Variants in PPFIA2 observed in about 807,000 individuals in gnomAD.
The protein encoded by PPFIA2 is liprin-alpha-2.
In PPFIA2, 46 loss-of-function variants were observed where a neutral mutation model predicts 175.5. That is an observed-to-expected ratio of 0.26 (90% CI 0.21 to 0.34). PPFIA2 has a LOEUF of 0.34. Among genes scored for constraint, PPFIA2 ranks in the 10% least tolerant of loss-of-function variants. The pLI is 1.00. For synonymous variants in PPFIA2, 568 were observed against 511.4 expected (o/e 1.11, Z -1.49); for missense variants, 1,179 against 1,506.1 (o/e 0.78, Z 3.60).
At chr12:81,386,411 G>A (rs999735560) in intron 8 of PPFIA2, among the ~76,000 whole-genome samples, 3 of 151,774 alleles carry the variant, frequency 2.0e-5, no homozygotes, top group Admixed American at 6.6e-5. Flanking sequence ...ATCACTTGAG[G>A]CCAGGAGTTT....
intron 4 of PPFIA2, among the ~76,000 whole-genome samples, chr12:81,584,888 A>T (rs1229426590): frequency 8.1e-6 from 1 of 123,694 alleles, no homozygotes; most frequent in African/African-American, 3.1e-5. Flanking sequence ...TTATATATTA[A>T]TTATATTTAT....
At chr12:81,626,844 A>C (rs1414456576) in intron 4 of PPFIA2, among the ~76,000 whole-genome samples, 4 of 152,028 alleles carry the variant, frequency 2.6e-5, no homozygotes, top group Non-Finnish European at 2.9e-5. Flanking sequence ...TTCTCTAGAC[A>C]CTTTTTCATC....
chr12:81,559,813 T>TTG lies in PPFIA2; in HGVS notation c.304-101948_304-101947insCA, dbSNP rs1555486014. On this transcript the variant is annotated intron_variant, in intron 4 of 32. Transcript: ENST00000549396. ...TACATGATGCTTAGTTGTTTTTTTT[T>TTG]TTGTTGTTGTTTTTTTGCAATCTTC... 4.3e-3 allele frequency among the ~76,000 whole-genome samples: 650 copies of TTG among 151,936 alleles called. 7 individuals carry two copies. The highest frequency in any genetic ancestry group is 6.8e-3 in the Middle Eastern group (2 of 294).
intron 4 of PPFIA2, among the ~76,000 whole-genome samples, chr12:81,619,996 G>A (rs989141474): frequency 6.6e-6 from 1 of 151,652 alleles, no homozygotes; most frequent in Non-Finnish European, 1.5e-5. Flanking sequence ...CGTCTCTACT[G>A]AAAATACAAA....
At chr12:81,620,108 C>T (rs1240500611) in intron 4 of PPFIA2, among the ~76,000 whole-genome samples, 2 of 131,260 alleles carry the variant, frequency 1.5e-5, no homozygotes, top group South Asian at 2.4e-4. Context: ...TGCAGTGAGC[C>T]GAGATCGCGC....
At chr12:81,277,769 T>C (rs1360023720) in intron 27 of PPFIA2, among the ~76,000 whole-genome samples, 2 of 152,168 alleles carry the variant, frequency 1.3e-5, no homozygotes, top group East Asian at 1.9e-4. Flanking sequence ...GTCCCCATTA[T>C]GGAGACAGTA....
intron 16 of PPFIA2, among the ~76,000 whole-genome samples, chr12:81,354,889 T>C (rs1791756903): frequency 6.6e-6 from 1 of 152,118 alleles, no homozygotes; most frequent in Non-Finnish European, 1.5e-5. Flanking sequence ...GGTGATCACC[T>C]GCCTCAGCCT....
At chr12:81,385,993 A>G (rs889266014) in intron 8 of PPFIA2, among the ~76,000 whole-genome samples, 3 of 151,952 alleles carry the variant, frequency 2.0e-5, no homozygotes, top group African/African-American at 7.3e-5. Context: ...AAAAAGTAAA[A>G]GGCCTGGTGT....
At chr12:81,722,528 T>C (rs2079492617) in intron 3 of PPFIA2, among the ~76,000 whole-genome samples, 1 of 151,080 alleles carries the variant, frequency 6.6e-6, no homozygotes, top group South Asian at 2.1e-4. Flanking sequence ...AATTTCTCCT[T>C]AATCAACAAA....
intron 4 of PPFIA2, among the ~76,000 whole-genome samples, chr12:81,533,719 C>A (rs867705475): frequency 2.2e-5 from 3 of 134,342 alleles, no homozygotes. Flanking sequence ...ATCTATCTAT[C>A]TATCTATCTA....
In PPFIA2 at chr12:81,456,743, A is replaced by AT. The variant is rs200813584; in HGVS notation, c.405+1021dup. Among the ~76,000 whole-genome samples the AT allele has an allele frequency of 2.1e-4, 32 of 151,866 alleles. No individual in the cohort carries two copies. The East Asian group carries it at 5.0e-3, about 24-fold the overall frequency. ...ATTTACATGTTTATAAAATTTAGTG[A>AT]TTTTTTTTCTCAAAGAAAATATAGC... is the stretch of plus-strand genomic sequence containing the variant. On this transcript the variant is annotated intron_variant, in intron 5 of 32. Transcript: ENST00000549396.
intron 27 of PPFIA2, among the ~76,000 whole-genome samples, chr12:81,278,521 CAGAGTGAG>C (rs772629271): frequency 1.7e-3 from 220 of 129,556 alleles, no homozygotes; most frequent in Non-Finnish European, 1.4e-3. Flanking sequence ...CCCTGGGCAA[CAGAGTGAG>C]ACTCCATCTC....
chr12:81,321,685 T>C lies in PPFIA2; in HGVS notation c.2642+4092A>G, dbSNP rs542317187. ...GCTTTACTGGAAATATGGCTGACAGTTTGATTTCTAATTGACTATTTTGTT... is the reference window on the plus strand; with the variant it reads ...GCTTTACTGGAAATATGGCTGACAGCTTGATTTCTAATTGACTATTTTGTT... On this transcript the variant is annotated intron_variant, in intron 22 of 32. Coordinates refer to ENST00000549396, the MANE Select transcript of PPFIA2 (RefSeq NM_003625.5). Among the ~76,000 whole-genome samples the C allele has an allele frequency of 3.9e-5, 6 of 152,286 alleles. No homozygotes were observed. The East Asian group carries it at 9.7e-4, about 25-fold the overall frequency.
At chr12:81,541,205 G>A (rs2153341574) in intron 4 of PPFIA2, among the ~76,000 whole-genome samples, 1 of 152,080 alleles carries the variant, frequency 6.6e-6, no homozygotes, top group East Asian at 1.9e-4. Flanking sequence ...CACAGAATCA[G>A]TTAGGCTGTT....
At chr12:81,325,950 G>C in intron 21 of PPFIA2, 80 bp from the exon 22 acceptor site, 1 of 1,002,182 alleles carries the variant, frequency 1.0e-6, no homozygotes, top group Non-Finnish European at 1.5e-6. Context: ...TAAAGGTTTA[G>C]TTGAGCAACT....
intron 4 of PPFIA2, among the ~76,000 whole-genome samples, chr12:81,534,220 T>C (rs114993015): frequency 8.4e-4 from 127 of 151,556 alleles, no homozygotes; most frequent in African/African-American, 3.0e-3. Flanking sequence ...GGTACAAACA[T>C]AGAGGTAGAT....
At chr12:81,537,147 A>C (rs961421014) in intron 4 of PPFIA2, among the ~76,000 whole-genome samples, 3 of 151,910 alleles carry the variant, frequency 2.0e-5, no homozygotes, top group Admixed American at 1.3e-4. Context: ...AGGCAAAATG[A>C]AAAATTTAAT....
chr12:81,586,247 T>C (rs1382094891), intron 4 of PPFIA2, among the ~76,000 whole-genome samples: 1 of 151,962 alleles, frequency 6.6e-6, no homozygotes, highest in Non-Finnish European at 1.5e-5. Context: ...GATACAATAA[T>C]TAGGTTATGT....
At chr12:81,738,005 A>T (rs531826730) in intron 3 of PPFIA2, among the ~76,000 whole-genome samples, 1 of 152,002 alleles carries the variant, frequency 6.6e-6, no homozygotes, top group East Asian at 1.9e-4. Context: ...CACAATGTTA[A>T]TCTCTATGGA....
Sources: allele counts gnomAD v4.1 joint callset (sites outside exome capture counted in the v4.1 genomes callset), GRCh38; gene constraint gnomAD v4.1.1; transcripts MANE v1.5; gene names NCBI Gene and HGNC (gene_info 2026-07-23, HGNC 2026-07-21).